ITGA7: variants seen among roughly 807,000 people sequenced by gnomAD.
ITGA7 encodes integrin alpha-7.
Under a neutral mutation model 131.6 loss-of-function variants are expected in ITGA7, and 84 were observed. The ratio of observed to expected loss-of-function variants is 0.64; its 90% CI spans 0.54 to 0.77. ITGA7 has a LOEUF of 0.77. ITGA7 is among the 30% of genes least tolerant of loss of function. The pLI, the probability that ITGA7 is intolerant of heterozygous loss-of-function variation, is 0.00. For synonymous variants in ITGA7, 548 were observed against 600.7 expected, an observed-to-expected ratio of 0.91 and a Z score of 1.28; for missense variants, 1,399 against 1,482.9, an observed-to-expected ratio of 0.94 and a Z score of 0.93.
Position 55,697,834 on chromosome 12 carries a change from G to T in ITGA7, c.1282-12C>A, listed in dbSNP as rs768320658. ...TCGCCCTCCAGCACCTAGAGAACCAGCTGTCAGCCTCCCTCAATCCCACCT... is the reference window on the plus strand; with the variant it reads ...TCGCCCTCCAGCACCTAGAGAACCATCTGTCAGCCTCCCTCAATCCCACCT... On this transcript the variant is annotated splice_polypyrimidine_tract_variant and intron_variant, in intron 8 of 24. Coordinates refer to ENST00000257879, the MANE Select transcript of ITGA7 (RefSeq NM_002206.3). 6.2e-7 allele frequency: 1 copy of T among 1,614,130 alleles called. No homozygotes were observed. Among genetic ancestry groups the T allele is most frequent in the Admixed American group, 1.7e-5 (1 of 60,020 alleles).
intron 24 of ITGA7, among the ~76,000 whole-genome samples, chr12:55,687,573 C>T (rs1482771227): frequency 1.3e-5 from 2 of 150,118 alleles, no homozygotes; most frequent in Non-Finnish European, 3.0e-5. Context: ...CTCACTGCAA[C>T]CCCACCTTTC....
At chr12:55,691,131 TAAAAAATAAAAAATA>T (rs1430638720) in intron 21 of ITGA7, among the ~76,000 whole-genome samples, 1 of 150,036 alleles carries the variant, frequency 6.7e-6, no homozygotes, top group East Asian at 1.9e-4. Flanking sequence ...ATAATAAAAT[TAAAAAATAAAAAATA>T]AAAAAATAAA....
chr12:55,695,124 C>T (rs892291593), intron 14 of ITGA7, 154 bp from the exon 15 acceptor site: 2 of 735,290 alleles, frequency 2.7e-6, no homozygotes, highest in Non-Finnish European at 4.5e-6. Flanking sequence ...GGCCTCTGTA[C>T]ACACGACTGG....
At chr12:55,710,022 A>G (rs994944507), upstream of ITGA7, among the ~76,000 whole-genome samples, 2 of 152,200 alleles carry the variant, frequency 1.3e-5, no homozygotes, top group African/African-American at 4.8e-5. Flanking sequence ...ATGAGACCAG[A>G]ATGTTGGAGT....
chr12:55,686,523 T>C (rs1329151668), intron 24 of ITGA7, among the ~76,000 whole-genome samples: 3 of 152,152 alleles, frequency 2.0e-5, no homozygotes, highest in African/African-American at 7.2e-5. Flanking sequence ...CTACTGATGA[T>C]TCACACTTGC....
At chr12:55,711,883 T>C (rs1265773438), upstream of ITGA7, among the ~76,000 whole-genome samples, 2 of 152,232 alleles carry the variant, frequency 1.3e-5, no homozygotes, top group Non-Finnish European at 2.9e-5. Context: ...TTCAGCTCCC[T>C]CAAATCACAC....
intron 1 of ITGA7, among the ~76,000 whole-genome samples, chr12:55,705,143 G>C (rs1874906988): frequency 6.6e-6 from 1 of 152,056 alleles, no homozygotes; most frequent in African/African-American, 2.4e-5. Context: ...AGGGAGGAGG[G>C]GAGGGGCCCA....
chr12:55,704,548 C>G (rs1172537523), intron 1 of ITGA7, among the ~76,000 whole-genome samples: 1 of 152,202 alleles, frequency 6.6e-6, no homozygotes, highest in Non-Finnish European at 1.5e-5. Context: ...GGCTAGACAC[C>G]AGGGATATAA....
At chr12:55,700,660 G>A in intron 4 of ITGA7, 2 of 649,562 alleles carry the variant, frequency 3.1e-6, no homozygotes, top group South Asian at 3.9e-5. Flanking sequence ...CCCAGCTGCA[G>A]GCCCAGCGTG....
chr12:55,712,062 C>A, upstream of ITGA7: 1 of 1,551,126 alleles, frequency 6.4e-7, no homozygotes, highest in East Asian at 2.4e-5. Context: ...ACTTCACTCA[C>A]CTCTCCAGCA....
chr12:55,687,417 G>A (rs1009367207), intron 24 of ITGA7, among the ~76,000 whole-genome samples: 3 of 150,046 alleles, frequency 2.0e-5, no homozygotes, highest in African/African-American at 7.4e-5. Flanking sequence ...TTGAACTCCT[G>A]ACCTCAGGTG....
At chr12:55,706,588 T>C (rs1565643369) in intron 1 of ITGA7, among the ~76,000 whole-genome samples, 1 of 152,118 alleles carries the variant, frequency 6.6e-6, no homozygotes, top group Non-Finnish European at 1.5e-5. Flanking sequence ...CAATCAGACA[T>C]GTAGCAAGAG....
intron 1 of ITGA7, among the ~76,000 whole-genome samples, chr12:55,705,066 T>C (rs1874891469): frequency 6.6e-6 from 1 of 152,188 alleles, no homozygotes; most frequent in Admixed American, 6.5e-5. Flanking sequence ...AGCTGGTCAG[T>C]GCATAGCTAA....
Position 55,707,690 on chromosome 12 carries a change from T to G in ITGA7, c.-8A>C. 1 of 1,564,212 alleles carries G rather than the reference T, an allele frequency of 6.4e-7. No homozygotes were observed. The highest frequency in any genetic ancestry group is 8.7e-7 in the Non-Finnish European group (1 of 1,154,180). The stretch of plus-strand genomic sequence containing the variant: ...GCTCCGAGCCCCGGCCATGGGACGA[T>G]CCCTGCGCGAGCTCCCAGCGAATGC... On this transcript the variant is annotated 5_prime_UTR_variant, in exon 1 of 25. Coordinates refer to ENST00000257879, the MANE Select transcript of ITGA7 (RefSeq NM_002206.3).
intron 4 of ITGA7, 112 bp from the exon 5 acceptor site, chr12:55,700,101 G>T: frequency 7.0e-7 from 1 of 1,435,554 alleles, no homozygotes. Flanking sequence ...AAGAGGTGGA[G>T]AGAGAAAAAG....
In ITGA7 at chr12:55,703,166, ACCCACCAGCAG is replaced by A; in HGVS notation, c.208_218del (p.Leu70CysfsTer29). The A allele has an allele frequency of 6.2e-7, 1 of 1,610,472 alleles. No homozygotes were observed. Among genetic ancestry groups the A allele is most frequent in the East Asian group, 2.2e-5 (1 of 44,862 alleles). On this transcript the variant is annotated frameshift_variant and splice_region_variant, in exon 2 of 25. Transcript: ENST00000257879. LOFTEE classifies it high-confidence loss of function. ...CAGGAAGAGCCAGGGCCTGGGGAGC[ACCCACCAGCAG>A]CCTGCAAGATGGGGCAGGGGCAGGG...
At chr12:55,688,761 G>T in intron 22 of ITGA7, 83 bp downstream of exon 22, 1 of 1,021,272 alleles carries the variant, frequency 9.8e-7, no homozygotes, top group South Asian at 1.3e-5. Context: ...CATTTGGACA[G>T]TGAGGAAGGA....
At chr12:55,695,703 G>T in intron 13 of ITGA7, 66 bp from the exon 14 acceptor site, 1 of 1,027,886 alleles carries the variant, frequency 9.7e-7, no homozygotes, top group Non-Finnish European at 1.5e-6. Flanking sequence ...CTGTCACCAT[G>T]GCATATGGTG....
upstream of ITGA7, among the ~76,000 whole-genome samples, chr12:55,715,681 G>C (rs1876461057): frequency 6.6e-6 from 1 of 152,132 alleles, no homozygotes; most frequent in African/African-American, 2.4e-5. Context: ...GGAGAGACAG[G>C]AAAGCATCCT....
Sources: allele counts gnomAD v4.1 joint callset (sites outside exome capture counted in the v4.1 genomes callset), GRCh38; gene constraint gnomAD v4.1.1; transcripts MANE v1.5; gene names NCBI Gene and HGNC (gene_info 2026-07-23, HGNC 2026-07-21).